Variants in DNAAF11 observed in about 807,000 individuals in gnomAD.
DNAAF11 encodes the protein dynein axonemal assembly factor 11, also known as leucine rich repeat containing 6.
DNAAF11 carries 45 observed loss-of-function variants against 60.8 expected under a neutral mutation model. The observed-to-expected ratio is 0.74, with a 90% CI of 0.58 to 0.95. The LOEUF is 0.95. Among genes scored for constraint, DNAAF11 ranks in the 40% least tolerant of loss-of-function variants. The probability of loss-of-function intolerance (pLI) is 0.00; values close to 1 mark genes in which losing one functional copy is unlikely to be tolerated. For missense variants in DNAAF11, 546 were observed against 546.2 expected (o/e 1.00, Z 0.00); for synonymous variants, 191 against 183.5 (o/e 1.04, Z -0.33).
chr8:132,647,483 G>A (rs1399285512), intron 3 of DNAAF11, among the ~76,000 whole-genome samples: 1 of 152,130 alleles, frequency 6.6e-6, no homozygotes, highest in Non-Finnish European at 1.5e-5. Context: ...AAATTCAAAA[G>A]CTAGCAGAAG....
chr8:132,613,028 G>A (rs1818816252), intron 8 of DNAAF11, among the ~76,000 whole-genome samples: 1 of 152,226 alleles, frequency 6.6e-6, no homozygotes. Flanking sequence ...GACTTACAAG[G>A]ATGAAACAGT....
chr8:132,631,638 C>G (rs921189751), intron 5 of DNAAF11, among the ~76,000 whole-genome samples: 1 of 152,088 alleles, frequency 6.6e-6, no homozygotes, highest in Non-Finnish European at 1.5e-5. Flanking sequence ...TTCAGGATAG[C>G]AGACGCCACT....
the DNAAF11 span, among the ~76,000 whole-genome samples, chr8:132,694,918 G>A: frequency 6.6e-6 from 1 of 152,126 alleles, no homozygotes; most frequent in Non-Finnish European, 1.5e-5. Context: ...TTTAAATGCT[G>A]AAAACATGTG....
chr8:132,605,949 C>T (rs55808895), intron 10 of DNAAF11, among the ~76,000 whole-genome samples: 7 of 150,006 alleles, frequency 4.7e-5, no homozygotes, highest in Non-Finnish European at 8.9e-5. Context: ...ATAATGGGGT[C>T]GGGGGGACAG....
the DNAAF11 span, among the ~76,000 whole-genome samples, chr8:132,691,116 T>G: frequency 6.8e-6 from 1 of 147,544 alleles, no homozygotes; most frequent in Non-Finnish European, 1.5e-5. Flanking sequence ...ATCTGTAGAT[T>G]ATTTGAACTT....
At chr8:132,586,573 T>A (rs1815920596) in intron 10 of DNAAF11, among the ~76,000 whole-genome samples, 1 of 152,146 alleles carries the variant, frequency 6.6e-6, no homozygotes, top group South Asian at 2.1e-4. Flanking sequence ...CTAGATCACG[T>A]GGTCTTTTCA....
In DNAAF11 at chr8:132,652,912, C is replaced by T. The variant is rs180928873; in HGVS notation, c.256+3918G>A. Among the ~76,000 whole-genome samples, 41 of 151,848 alleles carry T rather than the reference C, an allele frequency of 2.7e-4. 1 individual carries two copies. The East Asian group carries it at 6.6e-3, about 24-fold the overall frequency. ...CTATGTAACAAGCCTGCATGTTCTG[C>T]GCATGTACCCAGAACTTCAAGTATA... On this transcript the variant is annotated intron_variant, in intron 3 of 11. Transcript: ENST00000620350.
upstream of DNAAF11, among the ~76,000 whole-genome samples, chr8:132,679,032 A>T (rs1825827898): frequency 6.6e-6 from 1 of 151,540 alleles, no homozygotes; most frequent in Non-Finnish European, 1.5e-5. Flanking sequence ...ATGTACTTTG[A>T]AATTACTAAC....
chr8:132,701,592 A>T, the DNAAF11 span, among the ~76,000 whole-genome samples: 1 of 152,212 alleles, frequency 6.6e-6, no homozygotes, highest in African/African-American at 2.4e-5. Flanking sequence ...TTGAAACAAA[A>T]AATAAGGGAG....
At chr8:132,605,613 A>G (rs1411784248) in intron 10 of DNAAF11, among the ~76,000 whole-genome samples, 1 of 152,166 alleles carries the variant, frequency 6.6e-6, no homozygotes, top group Non-Finnish European at 1.5e-5. Context: ...GTTGGGGAAA[A>G]TAGAAAAAGA....
chr8:132,605,813 G>A (rs1307789882), intron 10 of DNAAF11, among the ~76,000 whole-genome samples: 1 of 152,104 alleles, frequency 6.6e-6, no homozygotes, highest in East Asian at 1.9e-4. Context: ...AGGACATTCT[G>A]GCAGAAAGAA....
Position 132,571,605 on chromosome 8 carries a change from G to A in DNAAF11, c.*701C>T, listed in dbSNP as rs1814201557. Among the ~76,000 whole-genome samples the A allele has an allele frequency of 6.6e-6, 1 of 151,930 alleles. No individual in the cohort carries two copies. The highest frequency in any genetic ancestry group is 1.5e-5 in the Non-Finnish European group (1 of 67,976). ...AGGGAGGAGAAGAGAGAGGAGAAAG[G>A]GAAGAAGGAGAGAGAGAAGAGGCTC... On this transcript the variant is annotated 3_prime_UTR_variant, in exon 12 of 12. Transcript: ENST00000620350.
the DNAAF11 span, among the ~76,000 whole-genome samples, chr8:132,697,328 C>T: frequency 6.6e-6 from 1 of 152,086 alleles, no homozygotes; most frequent in Non-Finnish European, 1.5e-5. Context: ...TAAATCATAA[C>T]TCAATAAAGC....
At chr8:132,628,007 T>C (rs1820444054) in intron 5 of DNAAF11, among the ~76,000 whole-genome samples, 1 of 152,180 alleles carries the variant, frequency 6.6e-6, no homozygotes, top group Non-Finnish European at 1.5e-5. Context: ...CCCCAGCTTC[T>C]GCCACTGATA....
At chr8:132,675,150 G>T in intron 1 of DNAAF11, 1 of 336,852 alleles carries the variant, frequency 3.0e-6, no homozygotes, top group Non-Finnish European at 5.4e-6. Context: ...GAGCCACTTG[G>T]CCGGAACGTG....
chr8:132,693,251 G>A, the DNAAF11 span, among the ~76,000 whole-genome samples: 1 of 152,174 alleles, frequency 6.6e-6, no homozygotes, highest in Non-Finnish European at 1.5e-5. Flanking sequence ...TATGCACACA[G>A]GAACAAAAGA....
At chr8:132,670,686 G>C (rs1047379739) in intron 1 of DNAAF11, among the ~76,000 whole-genome samples, 2 of 152,076 alleles carry the variant, frequency 1.3e-5, no homozygotes, top group Non-Finnish European at 2.9e-5. Context: ...TGTACCTCAT[G>C]AACACATATG....
chr8:132,603,928 T>C (rs1817891172), intron 10 of DNAAF11, among the ~76,000 whole-genome samples: 1 of 152,206 alleles, frequency 6.6e-6, no homozygotes, highest in Admixed American at 6.5e-5. Context: ...AGGGATTGCA[T>C]ACACCACAGA....
intron 8 of DNAAF11, among the ~76,000 whole-genome samples, chr8:132,614,441 G>C (rs1169749516): frequency 1.3e-5 from 2 of 152,218 alleles, no homozygotes; most frequent in Non-Finnish European, 2.9e-5. Flanking sequence ...CCACAAAGAA[G>C]AGAAGAAGGG....
Sources: gnomAD v4.1 joint callset for allele counts (sites outside exome capture counted in the v4.1 genomes callset) on GRCh38, gnomAD v4.1.1 for gene constraint, MANE v1.5 for transcripts, NCBI Gene and HGNC (gene_info 2026-07-23, HGNC 2026-07-21) for gene names.